The following IGF1R variants were observed in gnomAD, a reference collection of about 807,000 sequenced individuals.
The protein encoded by IGF1R is insulin like growth factor 1 receptor.
In IGF1R, 44 loss-of-function variants were observed where a neutral mutation model predicts 144.6. The observed-to-expected ratio is 0.30, with a 90% CI of 0.24 to 0.39. The LOEUF is 0.39. Ranked by LOEUF, IGF1R falls within the 10% of genes least tolerant of loss-of-function variation. The pLI is 1.00. For synonymous variants in IGF1R, 795 were observed against 722.8 expected (o/e 1.10, Z -1.60); for missense variants, 1,355 against 1,833.7 (o/e 0.74, Z 4.77).
Position 98,896,807 on chromosome 15 carries a change from A to G in IGF1R, c.1004A>G (p.Glu335Gly). The G allele has an allele frequency of 6.2e-7, 1 of 1,614,026 alleles. No homozygotes were observed. Among genetic ancestry groups the G allele is most frequent in the East Asian group, 2.2e-5 (1 of 44,882 alleles). The change falls in exon 4 of 21, where the codon GAA (glutamate) becomes GGA (glycine). Residue 335 changes from glutamate (E) to glycine (G), a missense_variant. By Grantham distance (98) the Glu-to-Gly change is moderately conservative. This residue lies in a region of IGF1R where 880 missense variants were observed against 1,202.7 expected (regional missense o/e 0.73). Coordinates refer to ENST00000650285, the MANE Select transcript of IGF1R (RefSeq NM_000875.5). ...CCTTGCCCGAAGGTCTGTGAGGAAG[A>G]AAAGAAAACAAAGACCATTGATTCT... ...EGPCPKVCEE[E>G]KKTKTIDSVT...
At chr15:98,664,063 C>T (rs1183329325) in intron 1 of IGF1R, among the ~76,000 whole-genome samples, 1 of 152,226 alleles carries the variant, frequency 6.6e-6, no homozygotes, top group East Asian at 1.9e-4. Flanking sequence ...AAACACAGTT[C>T]TGCAAGAGAC....
At chr15:98,770,250 G>A in intron 2 of IGF1R, among the ~76,000 whole-genome samples, 1 of 152,230 alleles carries the variant, frequency 6.6e-6, no homozygotes, top group Non-Finnish European at 1.5e-5. Flanking sequence ...GGCAAAAACA[G>A]ATATTGCGTG....
At position 98,935,454 on chromosome 15, in the gene IGF1R, A is replaced by G. The variant is rs1390169178; in HGVS notation, c.3297+28A>G. Reference sequence around the variant, plus strand: ...CAGTTTTCATTTCCACCGGTATTGCATGTTGCCTGGCCTGCTCTCTTTTCC... The same window carrying G: ...CAGTTTTCATTTCCACCGGTATTGCGTGTTGCCTGGCCTGCTCTCTTTTCC... On this transcript the variant is annotated intron_variant, in intron 17 of 20. Transcript: ENST00000650285. The surrounding 1 kb of genome is among the most constrained non-coding windows in gnomAD (Gnocchi z 4.2). The G allele has an allele frequency of 5.5e-6, 7 of 1,261,296 alleles. No homozygotes were observed. Among genetic ancestry groups the G allele is most frequent in the Non-Finnish European group, 7.9e-6 (7 of 881,664 alleles). The allele number at this position is 1,261,296 out of a possible 1,614,324, so 78.1% of individuals were successfully genotyped here.
chr15:98,890,369 A>G (rs2013845859), intron 2 of IGF1R: 3 of 152,228 alleles, frequency 2.0e-5, no homozygotes, highest in Admixed American at 6.5e-5. Context: ...AACGAGAGTG[A>G]CCTGTGATCG....
At chr15:98,815,901 C>A (rs2056687117) in intron 2 of IGF1R, among the ~76,000 whole-genome samples, 1 of 152,180 alleles carries the variant, frequency 6.6e-6, no homozygotes, top group African/African-American at 2.4e-5. Context: ...TGGATGAGGT[C>A]TAGACCTGTT....
At chr15:98,688,901 G>A (rs949574155) in intron 1 of IGF1R, among the ~76,000 whole-genome samples, 5 of 152,106 alleles carry the variant, frequency 3.3e-5, no homozygotes, top group East Asian at 1.9e-4. Flanking sequence ...TACGCAGTAC[G>A]CTTTGATTCA....
At position 98,923,863 on chromosome 15, in the gene IGF1R, T is replaced by C; in HGVS notation, c.2486-13T>C. 1 of 1,613,366 alleles carries C rather than the reference T, an allele frequency of 6.2e-7. No individual in the cohort carries two copies. Among genetic ancestry groups the C allele is most frequent in the Non-Finnish European group, 8.5e-7 (1 of 1,179,356 alleles). On this transcript the variant is annotated splice_polypyrimidine_tract_variant and intron_variant, in intron 11 of 20. Transcript: ENST00000650285. ...ACCCAAATCCAACTTTGTCACCTGT[T>C]TAAATTGTACAGAAGGAGCAGATGA... is the stretch of plus-strand genomic sequence containing the variant.
chr15:98,765,308 C>CTT (rs139280569), intron 2 of IGF1R, among the ~76,000 whole-genome samples: 2,998 of 61,674 alleles, frequency 0.049, 360 homozygotes, highest in Middle Eastern at 0.089. Flanking sequence ...ATGCCAACAC[C>CTT]TTTTTTTTTT....
rs2151644391 is a variant in IGF1R, at chr15:98,891,410, T to C, written c.726T>C (p.Pro242=). 1.2e-6 allele frequency: 2 copies of C among 1,613,204 alleles called. No homozygotes were observed. Among genetic ancestry groups the C allele is most frequent in the Non-Finnish European group, 1.7e-6 (2 of 1,179,988 alleles). The change falls in exon 3 of 21, where the codon CCT becomes CCC. Residue 242 remains proline (P), a synonymous_variant. Coordinates refer to ENST00000650285, the MANE Select transcript of IGF1R (RefSeq NM_000875.5). This position sits in a 1 kb window ranked among gnomAD's most constrained non-coding sequence, Gnocchi z 4.7. The part of the protein sequence containing the change: ...HPECLGSCSA[P]DNDTACVACR... The stretch of plus-strand genomic sequence containing the variant: ...AGTGCCTGGGCAGCTGCAGCGCGCC[T>C]GACAACGACACGGCCTGTGTAGCTT...
rs987465085 is a variant in IGF1R, at chr15:98,958,776, T to C, written c.*1334T>C. The C allele has an allele frequency of 4.3e-6, 1 of 232,866 alleles. No homozygotes were observed. Among genetic ancestry groups the C allele is most frequent in the Non-Finnish European group, 8.5e-6 (1 of 117,608 alleles). The allele number at this position is 232,866 out of a possible 1,614,324, so 14.4% of individuals were successfully genotyped here. A position where few individuals can be genotyped will look rare whatever the true frequency, so the allele number is the denominator to read the frequency against. ...TATGAAAACCTTCAGGTCCACCCTC[T>C]CCCCTTTCTGCTCACTCCAAGAAAC... is the stretch of plus-strand genomic sequence containing the variant. On this transcript the variant is annotated 3_prime_UTR_variant, in exon 21 of 21. Transcript: ENST00000650285.
intron 15 of IGF1R, among the ~76,000 whole-genome samples, chr15:98,931,696 TAAAAAAA>T (rs61131708): frequency 0.013 from 1,892 of 146,220 alleles, 31 homozygotes; most frequent in African/African-American, 0.04. Flanking sequence ...TCTTTCCCTT[TAAAAAAA>T]AAAAAAAAAA....
At chr15:98,671,988 A>AT (rs2052905074) in intron 1 of IGF1R, among the ~76,000 whole-genome samples, 1 of 152,238 alleles carries the variant, frequency 6.6e-6, no homozygotes. Context: ...AGAGGCTCAA[A>AT]TTTAAGTTCT....
rs75297853 is a variant in IGF1R at position 98,784,885 on chromosome 15, A to G, written c.640+76778A>G. ...GCCATTTTATTGCAGAGACTTGAGCATCCAAGGATTTTGTATCCGTGGGAG... is the reference window on the plus strand; with the variant it reads ...GCCATTTTATTGCAGAGACTTGAGCGTCCAAGGATTTTGTATCCGTGGGAG... On this transcript the variant is annotated intron_variant, in intron 2 of 20. Transcript: ENST00000650285. Among the ~76,000 whole-genome samples the G allele has an allele frequency of 8.1e-3, 1,237 of 152,338 alleles. 12 individuals are homozygous for G. The highest frequency in any genetic ancestry group is 0.029 in the African/African-American group (1,197 of 41,552).
intron 1 of IGF1R, among the ~76,000 whole-genome samples, chr15:98,679,673 T>A (rs1199132862): frequency 7.1e-6 from 1 of 140,090 alleles, no homozygotes; most frequent in Non-Finnish European, 1.5e-5. Context: ...ATGTATTTAC[T>A]ATGCTGTACT....
At chr15:98,756,893 A>G (rs1201160064) in intron 2 of IGF1R, among the ~76,000 whole-genome samples, 1 of 151,846 alleles carries the variant, frequency 6.6e-6, no homozygotes. Flanking sequence ...CTGTCCTTGA[A>G]TTTTTCTTTT....
chr15:98,913,105 A>G lies in IGF1R; in HGVS notation c.1651A>G (p.Met551Val), dbSNP rs1471109147. ...TGCCTGCGGCTCCAACAGCTGGAAC[A>G]TGGTGGACGTGGACCTCCCGCCCAA... is the stretch of plus-strand genomic sequence containing the variant. The part of the protein sequence containing the change: ...QDACGSNSWN[M>V]VDVDLPPNKD... Residue 551 changes from methionine to valine, a missense_variant, in exon 8 of 21, where the codon ATG (methionine) becomes GTG (valine). Transcript: ENST00000650285. 1.2e-6 allele frequency: 2 copies of G among 1,614,242 alleles called. No homozygotes were observed. The highest frequency in any genetic ancestry group is 8.5e-7 in the Non-Finnish European group (1 of 1,180,038).
chr15:98,655,964 A>G lies in IGF1R; in HGVS notation c.94+6289A>G, dbSNP rs575779380. ...CACCTCGGCCTCCCGGAGGGCTGGG[A>G]TCACAGGTGCGAGCCACCGCCCCCA... is the stretch of plus-strand genomic sequence containing the variant. On this transcript the variant is annotated intron_variant, in intron 1 of 20. Coordinates refer to ENST00000650285, the MANE Select transcript of IGF1R (RefSeq NM_000875.5). 2.6e-4 allele frequency among the ~76,000 whole-genome samples: 39 copies of G among 152,318 alleles called. 1 individual carries two copies. The South Asian group carries it at 3.5e-3, about 14-fold the overall frequency.
chr15:98,953,828 A>T (rs2016871494), intron 20 of IGF1R, among the ~76,000 whole-genome samples: 1 of 152,190 alleles, frequency 6.6e-6, no homozygotes, highest in Non-Finnish European at 1.5e-5. Context: ...CCATCGCTGG[A>T]ATCCTGGTTT....
At chr15:98,795,224 G>A (rs1333533925) in intron 2 of IGF1R, among the ~76,000 whole-genome samples, 4 of 152,080 alleles carry the variant, frequency 2.6e-5, no homozygotes, top group Non-Finnish European at 5.9e-5. Context: ...GGCGAAAGAG[G>A]GTAGGAAAGG....
Sources: gnomAD v4.1 joint callset for allele counts (sites outside exome capture counted in the v4.1 genomes callset) on GRCh38, gnomAD v4.1.1 for gene constraint, gnomAD v4.1.1 regional missense constraint, Gnocchi (gnomAD v3.1) non-coding constraint, MANE v1.5 for transcripts, NCBI Gene and HGNC (gene_info 2026-07-23, HGNC 2026-07-21) for gene names.